The following DNAH10 variants were observed in gnomAD, a reference collection of about 807,000 sequenced individuals.
DNAH10 encodes the protein dynein axonemal heavy chain 10.
In DNAH10, 348 loss-of-function variants were observed where a neutral mutation model predicts 506.6. The ratio of observed to expected loss-of-function variants is 0.69; its 90% CI spans 0.63 to 0.75. The LOEUF is 0.75. Among genes scored for constraint, DNAH10 ranks in the 30% least tolerant of loss-of-function variants. The probability of loss-of-function intolerance (pLI) is 0.00; values close to 1 mark genes in which losing one functional copy is unlikely to be tolerated. For missense variants in DNAH10, 5,179 were observed against 5,787.1 expected, an observed-to-expected ratio of 0.89 and a Z score of 3.41; for synonymous variants, 2,059 against 2,198.6, an observed-to-expected ratio of 0.94 and a Z score of 1.78.
chr12:123,779,509 G>C (rs566644759), intron 5 of DNAH10, among the ~76,000 whole-genome samples: 1 of 152,266 alleles, frequency 6.6e-6, no homozygotes, highest in African/African-American at 2.4e-5. Context: ...GTAGCTGTGA[G>C]AGGCGTCTTT....
chr12:123,766,044 A>G lies in DNAH10; in HGVS notation c.215-1562A>G, dbSNP rs1446368325. 2.0e-5 allele frequency among the ~76,000 whole-genome samples: 3 copies of G among 152,066 alleles called. No homozygotes were observed. The East Asian group carries it at 5.8e-4, about 29-fold the overall frequency. On this transcript the variant is annotated intron_variant, in intron 1 of 78. Transcript: ENST00000673944. The stretch of plus-strand genomic sequence containing the variant: ...CCTATACATCTATCTCTGTCTATAC[A>G]TCTATCTACACATCTGTTTATCTGT...
chr12:123,784,591 A>G (rs1370899073), intron 8 of DNAH10, among the ~76,000 whole-genome samples: 1 of 152,210 alleles, frequency 6.6e-6, no homozygotes, highest in Non-Finnish European at 1.5e-5. Flanking sequence ...AATAGACATG[A>G]CATGATATTA....
rs1228587159 is a variant in DNAH10, at chr12:123,820,721, G to A, written c.4142G>A (p.Gly1381Glu). ...ELLKVQKEMS[G>E]LRMIYELYEG... ...CTGAAAGTGCAGAAGGAAATGAGTG[G>A]GCTGAGGATGATTTACGAGCTCTAT... Residue 1381 changes from glycine to glutamate, a missense_variant, in exon 24 of 79, where the codon GGG becomes GAG. Physicochemically the swap from Gly to Glu is moderately conservative, Grantham distance 98. Transcript: ENST00000673944. 3 of 1,613,904 alleles carry A rather than the reference G, an allele frequency of 1.9e-6. No homozygotes were observed. In the East Asian group the frequency reaches 6.7e-5, roughly 36 times the overall value.
chr12:123,881,865 T>G, intron 51 of DNAH10, 52 bp downstream of exon 51: 3 of 1,418,594 alleles, frequency 2.1e-6, no homozygotes, highest in Non-Finnish European at 2.8e-6. Context: ...GTTTCTGCAG[T>G]TGGTAGTTCG....
chr12:123,836,785 C>T lies in DNAH10; in HGVS notation c.4902+1257C>T, dbSNP rs373947020. On this transcript the variant is annotated intron_variant, in intron 28 of 78. Coordinates refer to ENST00000673944, the MANE Select transcript of DNAH10 (RefSeq NM_001372106.1). Reference sequence around the variant, plus strand: ...CTGTAATCCCAGGACTTTGGGAGGCCGAGGTGGGCGATCACTTGAAGTCAG... The same window carrying T: ...CTGTAATCCCAGGACTTTGGGAGGCTGAGGTGGGCGATCACTTGAAGTCAG... 6.3e-4 allele frequency among the ~76,000 whole-genome samples: 96 copies of T among 152,006 alleles called. 1 individual carries two copies. The highest frequency in any genetic ancestry group is 1.6e-3 in the African/African-American group (68 of 41,458).
rs1209949664 is a variant in DNAH10 at position 123,772,879 on chromosome 12, T to C, written c.442T>C (p.Cys148Arg). 8 of 1,612,840 alleles carry C rather than the reference T, an allele frequency of 5.0e-6. No homozygotes were observed. The highest frequency in any genetic ancestry group is 6.8e-6 in the Non-Finnish European group (8 of 1,179,564). The change falls in exon 4 of 79, where the codon TGT becomes CGT. Residue 148 changes from cysteine (C) to arginine (R), a missense_variant. Coordinates refer to ENST00000673944, the MANE Select transcript of DNAH10 (RefSeq NM_001372106.1). Reference sequence around the variant, plus strand: ...GGAAAAGATGCATCTCCACATGCTCTGTACCCCTCTTCCCGAGGAGTTCCT... The same window carrying C: ...GGAAAAGATGCATCTCCACATGCTCCGTACCCCTCTTCCCGAGGAGTTCCT... ...IMEKMHLHML[C>R]TPLPEEFLDQ...
At chr12:123,873,324 C>A (rs1292594686) in intron 45 of DNAH10, among the ~76,000 whole-genome samples, 1 of 152,176 alleles carries the variant, frequency 6.6e-6, no homozygotes, top group Admixed American at 6.5e-5. Context: ...GCCACATTGT[C>A]CCCAAGGCTC....
chr12:123,928,711 T>G lies in DNAH10; in HGVS notation c.12306+124T>G. On this transcript the variant is annotated intron_variant, in intron 70 of 78. Transcript: ENST00000673944. The surrounding 1 kb of genome is among the most constrained non-coding windows in gnomAD (Gnocchi z 4.9). ...TAAACCTTAGGCTGCAGGTGAAACC[T>G]TGCGGTTGAAACCCTTCTCAATCCC... 3 of 1,183,766 alleles carry G rather than the reference T, an allele frequency of 2.5e-6. No individual in the cohort carries two copies. The highest frequency in any genetic ancestry group is 3.5e-6 in the Non-Finnish European group (3 of 862,762). The allele number at this position is 1,183,766 out of a possible 1,614,324, so 73.3% of individuals were successfully genotyped here.
At chr12:123,811,873 G>A (rs1304664373) in intron 19 of DNAH10, among the ~76,000 whole-genome samples, 1 of 151,874 alleles carries the variant, frequency 6.6e-6, no homozygotes, top group Non-Finnish European at 1.5e-5. Context: ...TCTTGATGTC[G>A]TGATCTGCCT....
At chr12:123,886,494 CGTGTGT>C (rs751962813) in intron 51 of DNAH10, among the ~76,000 whole-genome samples, 1 of 150,924 alleles carries the variant, frequency 6.6e-6, no homozygotes, top group Admixed American at 6.6e-5. Flanking sequence ...TGTGTGCACA[CGTGTGT>C]GTGTGTGTGT....
intron 39 of DNAH10, among the ~76,000 whole-genome samples, chr12:123,861,583 A>G (rs1376179384): frequency 1.3e-5 from 2 of 152,234 alleles, no homozygotes; most frequent in Non-Finnish European, 2.9e-5. Context: ...AAGTGCAGGA[A>G]TGCCCTCCTG....
At chr12:123,784,289 G>C (rs1393246761) in intron 8 of DNAH10, 112 bp downstream of exon 8, 1 of 1,082,288 alleles carries the variant, frequency 9.2e-7, no homozygotes, top group Non-Finnish European at 1.3e-6. Context: ...GCTCATGCCT[G>C]TAATCCCAGC....
chr12:123,815,237 G>A (rs1959105341), intron 21 of DNAH10, among the ~76,000 whole-genome samples: 1 of 151,976 alleles, frequency 6.6e-6, no homozygotes, highest in Admixed American at 6.5e-5. Flanking sequence ...TCCCCATAGA[G>A]GCCTTACCTA....
intron 51 of DNAH10, chr12:123,882,153 A>G (rs1952538000): frequency 5.2e-6 from 1 of 192,728 alleles, no homozygotes; most frequent in African/African-American, 2.3e-5. Flanking sequence ...GGAACCATCA[A>G]AGCCGGGGAC....
Position 123,925,040 on chromosome 12 carries a change from C to G in DNAH10, c.11767-10C>G, listed in dbSNP as rs1566112699. 1 of 1,613,440 alleles carries G rather than the reference C, an allele frequency of 6.2e-7. No homozygotes were observed. The highest frequency in any genetic ancestry group is 1.1e-5 in the South Asian group (1 of 91,048). On this transcript the variant is annotated splice_polypyrimidine_tract_variant and intron_variant, in intron 67 of 78. Transcript: ENST00000673944. This position sits in a 1 kb window ranked among gnomAD's most constrained non-coding sequence, Gnocchi z 4.0. ...GTTGACGCACAATGAATATTCTTTG[C>G]TTTTCCCAGTGGTATGACCTGGATT... is the stretch of plus-strand genomic sequence containing the variant.
At chr12:123,895,497 C>G (rs1167799699) in intron 54 of DNAH10, among the ~76,000 whole-genome samples, 1 of 152,166 alleles carries the variant, frequency 6.6e-6, no homozygotes, top group African/African-American at 2.4e-5. Flanking sequence ...GATGATATAT[C>G]TCAGGTCCAG....
At position 123,914,510 on chromosome 12, in the gene DNAH10, C is replaced by T. The variant is rs949521473; in HGVS notation, c.10534C>T (p.Arg3512Trp). The T allele has an allele frequency of 1.3e-5, 21 of 1,613,482 alleles. No individual in the cohort carries two copies. Among genetic ancestry groups the T allele is most frequent in the East Asian group, 1.1e-4 (5 of 44,890 alleles). Residue 3512 changes from arginine to tryptophan, a missense_variant, in exon 61 of 79, where the codon CGG becomes TGG. By Grantham distance (101) the Arg-to-Trp change is moderately radical. This residue lies in a region of DNAH10 where 4,844 missense variants were observed against 5,430.5 expected (regional missense o/e 0.89). Transcript: ENST00000673944. ...EREIPLSQPF[R>W]LESLLTDDVE... ...GGAGATCCCCCTGAGCCAGCCTTTC[C>T]GGCTGGAAAGCCTGCTCACGGATGA...
intron 18 of DNAH10, among the ~76,000 whole-genome samples, chr12:123,806,101 G>A (rs1958664837): frequency 6.6e-6 from 1 of 151,978 alleles, no homozygotes; most frequent in Non-Finnish European, 1.5e-5. Context: ...TTTCTTTTTC[G>A]TTTTTTGCTT....
Position 123,850,821 on chromosome 12 carries a change from C to A in DNAH10, c.6103-67C>A. ...TCGCCACGCAGCTCGCCGCAGGCCC[C>A]CTTTCCAAGGGGCTGGCCGGCCGGG... On this transcript the variant is annotated intron_variant, in intron 34 of 78. Coordinates refer to ENST00000673944, the MANE Select transcript of DNAH10 (RefSeq NM_001372106.1). The surrounding 1 kb of genome is among the most constrained non-coding windows in gnomAD (Gnocchi z 5.5). The A allele has an allele frequency of 1.3e-6, 2 of 1,518,314 alleles. No homozygotes were observed. The highest frequency in any genetic ancestry group is 1.8e-6 in the Non-Finnish European group (2 of 1,127,742). 94.1% of individuals were successfully genotyped at this position (1,518,314 alleles called of 1,614,324 possible).
Sources: allele counts gnomAD v4.1 joint callset (sites outside exome capture counted in the v4.1 genomes callset), GRCh38; gene constraint gnomAD v4.1.1; regional missense constraint gnomAD v4.1.1; non-coding constraint Gnocchi (gnomAD v3.1); transcripts MANE v1.5; gene names NCBI Gene and HGNC (gene_info 2026-07-23, HGNC 2026-07-21).